The following CMPK2 variants were observed in gnomAD, a reference collection of about 807,000 sequenced individuals.
CMPK2 encodes cytidine/uridine monophosphate kinase 2.
CMPK2 carries 32 observed loss-of-function variants against 33.4 expected under a neutral mutation model. The observed-to-expected ratio is 0.96, with a 90% CI of 0.72 to 1.29. The LOEUF (loss-of-function observed/expected upper bound fraction) is 1.29. CMPK2 is among the 50% of genes most tolerant of loss of function. The pLI is 0.00. For missense variants in CMPK2, 672 were observed against 616.0 expected, an observed-to-expected ratio of 1.09 and a Z score of -0.96; for synonymous variants, 299 against 275.3, an observed-to-expected ratio of 1.09 and a Z score of -0.85.
intron 3 of CMPK2, among the ~76,000 whole-genome samples, chr2:6,853,953 T>C (rs111918804): frequency 6.6e-6 from 1 of 151,902 alleles, no homozygotes; most frequent in Non-Finnish European, 1.5e-5. Flanking sequence ...ACACCATCCA[T>C]CCTTCAAAGC....
rs763701264 is a variant in CMPK2 at position 6,863,480 on chromosome 2, T to C, written c.774A>G (p.Glu258=). 4 of 1,613,984 alleles carry C rather than the reference T, an allele frequency of 2.5e-6. No individual in the cohort carries two copies. Among genetic ancestry groups the C allele is most frequent in the Middle Eastern group, 1.6e-4 (1 of 6,084 alleles). ...QKGKFQVVAI[E]GLDATGKTTV... ...TTATCTTACCCGTGGCATCCAGTCCTTCGATGGCAACAACCTGGAACTTTC... is the reference window on the plus strand; with the variant it reads ...TTATCTTACCCGTGGCATCCAGTCCCTCGATGGCAACAACCTGGAACTTTC... The change falls in exon 2 of 5, where the codon GAA becomes GAG. Residue 258 remains glutamate (E), a synonymous_variant. Coordinates refer to ENST00000256722, the MANE Select transcript of CMPK2 (RefSeq NM_207315.4).
chr2:6,846,132 G>C (rs887990304), downstream of CMPK2, among the ~76,000 whole-genome samples: 1 of 152,282 alleles, frequency 6.6e-6, no homozygotes, highest in East Asian at 1.9e-4. Context: ...AGAAATGTTA[G>C]GTAAAAACTC....
rs1486207611 is a variant in CMPK2, at chr2:6,849,504, T to G, written c.*346A>C. The G allele has an allele frequency of 2.9e-6, 3 of 1,043,498 alleles. No individual in the cohort carries two copies. The highest frequency in any genetic ancestry group is 2.3e-6 in the Non-Finnish European group (2 of 867,436). The allele number at this position is 1,043,498 out of a possible 1,614,324, so 64.6% of individuals were successfully genotyped here. A position where few individuals can be genotyped will look rare whatever the true frequency, so the allele number is the denominator to read the frequency against. On this transcript the variant is annotated 3_prime_UTR_variant, in exon 5 of 5. Transcript: ENST00000256722. ...GTCTCCCTGCTGATCTGGAAGATCT[T>G]GTCTGCTGCTTCTGTACACCTGGTG...
intron 3 of CMPK2, among the ~76,000 whole-genome samples, chr2:6,852,902 G>T (rs373350709): frequency 1.3e-5 from 2 of 152,150 alleles, no homozygotes; most frequent in South Asian, 4.1e-4. Flanking sequence ...CCAACGTAGA[G>T]ATACCCAGGG....
rs569007880 is a variant in CMPK2, at chr2:6,853,627, C to T, written c.993-1944G>A. ...TATGATAACAGAACACAGGACAGCACTGAAAAGGAAACAAGTAAAAAATTC... is the reference window on the plus strand; with the variant it reads ...TATGATAACAGAACACAGGACAGCATTGAAAAGGAAACAAGTAAAAAATTC... On this transcript the variant is annotated intron_variant, in intron 3 of 4. Coordinates refer to ENST00000256722, the MANE Select transcript of CMPK2 (RefSeq NM_207315.4). Among the ~76,000 whole-genome samples, 53 of 152,232 alleles carry T rather than the reference C, an allele frequency of 3.5e-4. 1 individual carries two copies. Among genetic ancestry groups the T allele is most frequent in the African/African-American group, 1.3e-3 (52 of 41,522 alleles).
chr2:6,865,521 T>TCGGGGGCGTCTGCGTCGC lies in CMPK2; in HGVS notation c.158_175dup (p.Gly53_Pro58dup). ...CCCCAGCAGCGCCGCCAGGCGGGGG[T>TCGGGGGCGTCTGCGTCGC]CGGGGGCGTCTGCGTCGCCGGGGGC... is the stretch of plus-strand genomic sequence containing the variant. On this transcript the variant is annotated inframe_insertion, in exon 1 of 5. Transcript: ENST00000256722. 4.7e-6 allele frequency: 6 copies of TCGGGGGCGTCTGCGTCGC among 1,286,254 alleles called. No homozygotes were observed. The highest frequency in any genetic ancestry group is 4.9e-6 in the Non-Finnish European group (5 of 1,021,566). The allele number at this position is 1,286,254 out of a possible 1,614,324, so 79.7% of individuals were successfully genotyped here. A position where few individuals can be genotyped will look rare whatever the true frequency, so the allele number is the denominator to read the frequency against.
At position 6,848,815 on chromosome 2, in the gene CMPK2, T is replaced by C; in HGVS notation, c.*1035A>G. ...AGCTACTTTTTTCTGTCTAAAGATA[T>C]GTCAAAGCGATTTCATATGTAATCA... On this transcript the variant is annotated 3_prime_UTR_variant, in exon 5 of 5. Transcript: ENST00000256722. 1.0e-6 allele frequency: 1 copy of C among 985,894 alleles called. No individual in the cohort carries two copies. The allele number at this position is 985,894 out of a possible 1,614,324, so 61.1% of individuals were successfully genotyped here. A position where few individuals can be genotyped will look rare whatever the true frequency, so the allele number is the denominator to read the frequency against.
At chr2:6,842,354 C>T (rs1662256539) in intron 3 of CMPK2, among the ~76,000 whole-genome samples, 1 of 152,212 alleles carries the variant, frequency 6.6e-6, no homozygotes, top group Non-Finnish European at 1.5e-5. Flanking sequence ...TAGCCAGAGA[C>T]TTCCTTTAGA....
chr2:6,847,273 A>C (rs1179528146), downstream of CMPK2, among the ~76,000 whole-genome samples: 2 of 152,216 alleles, frequency 1.3e-5, no homozygotes, highest in Non-Finnish European at 2.9e-5. Flanking sequence ...CCAGACTCAC[A>C]GTCCAAAAAC....
At chr2:6,854,126 A>G (rs1240239528) in intron 3 of CMPK2, among the ~76,000 whole-genome samples, 3 of 152,172 alleles carry the variant, frequency 2.0e-5, no homozygotes, top group East Asian at 1.9e-4. Flanking sequence ...TCAAGCTCAA[A>G]AAAAGCCAAT....
At chr2:6,866,430 G>T, upstream of CMPK2, 1 of 985,542 alleles carries the variant, frequency 1.0e-6, no homozygotes, top group African/African-American at 1.7e-5. Context: ...ACTCACCTGT[G>T]CACAAGCTTT....
At chr2:6,856,867 TC>T (rs1343842729) in intron 3 of CMPK2, among the ~76,000 whole-genome samples, 1 of 152,248 alleles carries the variant, frequency 6.6e-6, no homozygotes, top group Non-Finnish European at 1.5e-5. Flanking sequence ...TGTATGGTTT[TC>T]CACCTTATAC....
In CMPK2 at chr2:6,849,902, T is replaced by C. The variant is rs6712141; in HGVS notation, c.1298A>G (p.Lys433Arg). 0.012 allele frequency: 19,338 copies of C among 1,613,936 alleles called. 396 individuals are homozygous for C. Among genetic ancestry groups the C allele is most frequent in the East Asian group, 0.098 (4,398 of 44,874 alleles). Reference protein sequence around the residue: ...HVVDASPSREKVLQTVLSLIQ... With the variant: ...HVVDASPSRERVLQTVLSLIQ... ...TAGGCTTAATACCGTCTGCAGGACC[T>C]TTTCTCTGGAGGGGCTGGCATCAAC... The change falls in exon 5 of 5, where the codon AAG becomes AGG. Residue 433 changes from lysine (K) to arginine (R), a missense_variant. Physicochemically the swap from Lys to Arg is conservative, Grantham distance 26 (BLOSUM62 2). Transcript: ENST00000256722.
chr2:6,848,848 T>C lies in CMPK2; in HGVS notation c.*1002A>G. The C allele has an allele frequency of 1.0e-6, 1 of 985,890 alleles. No individual in the cohort carries two copies. The allele number at this position is 985,890 out of a possible 1,614,324, so 61.1% of individuals were successfully genotyped here. A position where few individuals can be genotyped will look rare whatever the true frequency, so the allele number is the denominator to read the frequency against. On this transcript the variant is annotated 3_prime_UTR_variant, in exon 5 of 5. Coordinates refer to ENST00000256722, the MANE Select transcript of CMPK2 (RefSeq NM_207315.4). Reference sequence around the variant, plus strand: ...CGATTTCATATGTAATCATGAGACATTCAAGTGCAAGATAATTTACCAAGA... The same window carrying C: ...CGATTTCATATGTAATCATGAGACACTCAAGTGCAAGATAATTTACCAAGA...
chr2:6,846,619 G>T (rs190121621), downstream of CMPK2, among the ~76,000 whole-genome samples: 1 of 152,328 alleles, frequency 6.6e-6, no homozygotes, highest in East Asian at 1.9e-4. Context: ...GGAAAAGATT[G>T]CAAGTCTTTG....
chr2:6,861,223 A>G lies in CMPK2; in HGVS notation c.953T>C (p.Ile318Thr), dbSNP rs1185648257. Residue 318 changes from isoleucine to threonine, a missense_variant, in exon 3 of 5, where the codon ATA becomes ACA. Physicochemically the swap from Ile to Thr is moderately conservative, Grantham distance 89. Coordinates refer to ENST00000256722, the MANE Select transcript of CMPK2 (RefSeq NM_207315.4). Reference protein sequence around the residue: ...SLGNYIVASEIAKESAKSPVI... With the variant: ...SLGNYIVASETAKESAKSPVI... ...AGGAGATTTGGCAGATTCTTTAGCT[A>G]TTTCGGAGGCCACAATATAATTGCC... is the stretch of plus-strand genomic sequence containing the variant. 8 of 1,614,084 alleles carry G rather than the reference A, an allele frequency of 5.0e-6. No individual in the cohort carries two copies. The highest frequency in any genetic ancestry group is 6.8e-6 in the Non-Finnish European group (8 of 1,180,006).
chr2:6,854,061 TC>T, intron 3 of CMPK2, among the ~76,000 whole-genome samples: 1 of 152,234 alleles, frequency 6.6e-6, no homozygotes, highest in East Asian at 1.9e-4. Context: ...CTTACCCAAC[TC>T]CTGTTACTCA....
intron 3 of CMPK2, among the ~76,000 whole-genome samples, chr2:6,859,910 C>T (rs1031149127): frequency 6.6e-6 from 1 of 152,188 alleles, no homozygotes; most frequent in Non-Finnish European, 1.5e-5. Flanking sequence ...CTGCAGACAA[C>T]ACCAGCCTGT....
At chr2:6,850,809 T>A (rs950165013) in intron 4 of CMPK2, 1 of 985,928 alleles carries the variant, frequency 1.0e-6, no homozygotes, top group African/African-American at 1.7e-5. Context: ...GCTTCAGTTT[T>A]TAAAGGCAGT....
Sources: allele counts gnomAD v4.1 joint callset (sites outside exome capture counted in the v4.1 genomes callset), GRCh38; gene constraint gnomAD v4.1.1; transcripts MANE v1.5; gene names NCBI Gene and HGNC (gene_info 2026-07-23, HGNC 2026-07-21).